Variants in HS3ST4 observed in about 807,000 individuals in gnomAD.
HS3ST4 encodes heparan sulfate-glucosamine 3-sulfotransferase 4.
In HS3ST4, 17 loss-of-function variants were observed where a neutral mutation model predicts 29.2. The observed-to-expected ratio is 0.58, with a 90% CI of 0.40 to 0.87. The LOEUF is 0.87. Ranked by LOEUF, HS3ST4 falls within the 40% of genes least tolerant of loss-of-function variation. HS3ST4 has a pLI of 0.00. For synonymous variants in HS3ST4, 314 were observed against 285.7 expected, an observed-to-expected ratio of 1.10 and a Z score of -1.00; for missense variants, 627 against 634.5, an observed-to-expected ratio of 0.99 and a Z score of 0.13.
At chr16:25,742,151 T>C (rs1311612204) in intron 1 of HS3ST4, among the ~76,000 whole-genome samples, 2 of 152,200 alleles carry the variant, frequency 1.3e-5, no homozygotes, top group Non-Finnish European at 2.9e-5. Context: ...AAATGCTGGC[T>C]TTGAGTGTGC....
At chr16:25,808,102 T>C (rs1445457915) in intron 1 of HS3ST4, among the ~76,000 whole-genome samples, 1 of 152,178 alleles carries the variant, frequency 6.6e-6, no homozygotes, top group East Asian at 1.9e-4. Flanking sequence ...CTTATTAGGA[T>C]CTCTCACACA....
intron 1 of HS3ST4, among the ~76,000 whole-genome samples, chr16:25,694,353 T>G (rs912312556): frequency 2.0e-5 from 3 of 152,262 alleles, no homozygotes; most frequent in African/African-American, 7.2e-5. Context: ...GCATTATGAT[T>G]GATTTCTTCC....
intron 1 of HS3ST4, among the ~76,000 whole-genome samples, chr16:25,979,397 A>G (rs1190798124): frequency 6.6e-6 from 1 of 151,892 alleles, no homozygotes; most frequent in South Asian, 2.1e-4. Context: ...ATTTACAGCC[A>G]CCCCCTATTG....
chr16:26,011,678 G>GTA (rs1969312068), intron 1 of HS3ST4, among the ~76,000 whole-genome samples: 1 of 91,532 alleles, frequency 1.1e-5, no homozygotes, highest in Non-Finnish European at 1.9e-5. Flanking sequence ...GTATATGTTT[G>GTA]TGTGTGTGTG....
intron 1 of HS3ST4, among the ~76,000 whole-genome samples, chr16:25,966,955 C>G (rs1968848767): frequency 6.6e-6 from 1 of 152,002 alleles, no homozygotes; most frequent in Admixed American, 6.6e-5. Context: ...GCACAGGGTA[C>G]CCAGGCCTGC....
At position 26,063,804 on chromosome 16, in the gene HS3ST4, G is replaced by A. The variant is rs548948810; in HGVS notation, c.735-71808G>A. On this transcript the variant is annotated intron_variant, in intron 1 of 1. Transcript: ENST00000331351. ...TCTGATACAACTTTTCTCTTGTGGG[G>A]AACATCCTAGCTGATTGCATGGGCC... Among the ~76,000 whole-genome samples the A allele has an allele frequency of 5.9e-5, 9 of 152,272 alleles. No homozygotes were observed. The East Asian group carries it at 1.7e-3, about 29-fold the overall frequency.
At chr16:25,962,562 C>T (rs1242118648) in intron 1 of HS3ST4, among the ~76,000 whole-genome samples, 1 of 152,216 alleles carries the variant, frequency 6.6e-6, no homozygotes, top group Non-Finnish European at 1.5e-5. Flanking sequence ...CTTGCTTATA[C>T]TAACTGATGA....
rs1378908887 is a variant in HS3ST4, at chr16:25,904,103, GATGA to G, written c.734+210956_734+210959del. On this transcript the variant is annotated intron_variant, in intron 1 of 1. Transcript: ENST00000331351. ...GGATGGATGCATGGATGAATGAATG[GATGA>G]ATGGATGGATGGATGGATGGATGGA... Among the ~76,000 whole-genome samples the G allele has an allele frequency of 3.7e-3, 500 of 135,132 alleles. 2 individuals are homozygous for G. The highest frequency in any genetic ancestry group is 0.011 in the Middle Eastern group (3 of 276). 88.7% of individuals were successfully genotyped at this position (135,132 alleles called of 152,430 possible).
chr16:25,910,190 T>A (rs1175801504), intron 1 of HS3ST4, among the ~76,000 whole-genome samples: 1 of 152,240 alleles, frequency 6.6e-6, no homozygotes, highest in Admixed American at 6.5e-5. Flanking sequence ...ACAGGGCTTA[T>A]GCTCTAAAAA....
intron 1 of HS3ST4, among the ~76,000 whole-genome samples, chr16:25,873,705 CATCT>C (rs1284428195): frequency 1.4e-5 from 2 of 147,480 alleles, no homozygotes; most frequent in African/African-American, 5.0e-5. Flanking sequence ...TCCATCCATC[CATCT>C]GTCCATCTAT....
At chr16:25,890,285 A>G (rs1967994636) in intron 1 of HS3ST4, among the ~76,000 whole-genome samples, 1 of 152,194 alleles carries the variant, frequency 6.6e-6, no homozygotes. Flanking sequence ...CCTCTTAGCC[A>G]CCACTATGTA....
intron 1 of HS3ST4, among the ~76,000 whole-genome samples, chr16:26,062,577 C>T (rs886418776): frequency 1.3e-5 from 2 of 150,874 alleles, no homozygotes; most frequent in Admixed American, 1.3e-4. Context: ...TCGGAATCAT[C>T]TTCATTGCCA....
intron 1 of HS3ST4, among the ~76,000 whole-genome samples, chr16:25,981,272 G>C (rs563483246): frequency 5.1e-4 from 78 of 152,190 alleles, no homozygotes; most frequent in African/African-American, 1.8e-3. Flanking sequence ...AGGAGGCGGA[G>C]GTTGCAGTGA....
At chr16:25,993,988 GT>G (rs1969137004) in intron 1 of HS3ST4, among the ~76,000 whole-genome samples, 1 of 149,542 alleles carries the variant, frequency 6.7e-6, no homozygotes, top group Non-Finnish European at 1.5e-5. Flanking sequence ...GTGTGTGTGT[GT>G]GTGTGTGTGT....
At chr16:25,745,895 C>T (rs980141668) in intron 1 of HS3ST4, among the ~76,000 whole-genome samples, 4 of 152,136 alleles carry the variant, frequency 2.6e-5, no homozygotes, top group South Asian at 2.1e-4. Context: ...TGTATAGTAT[C>T]GTGGGGCAGT....
At chr16:25,819,256 G>A (rs1168137505) in intron 1 of HS3ST4, among the ~76,000 whole-genome samples, 1 of 152,144 alleles carries the variant, frequency 6.6e-6, no homozygotes, top group Admixed American at 6.5e-5. Context: ...TGCACACAGA[G>A]TTTTCTTTCA....
intron 1 of HS3ST4, among the ~76,000 whole-genome samples, chr16:25,701,023 A>G (rs1434451801): frequency 6.6e-6 from 1 of 152,202 alleles, no homozygotes; most frequent in Non-Finnish European, 1.5e-5. Flanking sequence ...TACGTGATTG[A>G]GAAGTCTGGG....
chr16:25,970,605 A>G lies in HS3ST4; in HGVS notation c.735-165007A>G, dbSNP rs143200405. 9.9e-5 allele frequency among the ~76,000 whole-genome samples: 15 copies of G among 151,730 alleles called. No individual in the cohort carries two copies. The East Asian group carries it at 2.9e-3, about 30-fold the overall frequency. ...ACTCACTGTAGCCTCAACCCCCTGG[A>G]CTCAGGCAATCCCCTTGTCTTAACC... On this transcript the variant is annotated intron_variant, in intron 1 of 1. Transcript: ENST00000331351.
chr16:25,748,132 T>C (rs548087040), intron 1 of HS3ST4, among the ~76,000 whole-genome samples: 15 of 152,286 alleles, frequency 9.8e-5, no homozygotes, highest in Middle Eastern at 3.4e-3. Context: ...TCCATCTCGA[T>C]GTCTGCAGGG....
Sources: gnomAD v4.1 joint callset for allele counts (sites outside exome capture counted in the v4.1 genomes callset) on GRCh38, gnomAD v4.1.1 for gene constraint, MANE v1.5 for transcripts, NCBI Gene and HGNC (gene_info 2026-07-23, HGNC 2026-07-21) for gene names.